Variants in USP32 observed in about 807,000 individuals in gnomAD.
USP32 encodes the protein ubiquitin specific peptidase 32.
Under a neutral mutation model 204.8 loss-of-function variants are expected in USP32, and 59 were observed. The ratio of observed to expected loss-of-function variants is 0.29; its 90% CI spans 0.23 to 0.36. The LOEUF (loss-of-function observed/expected upper bound fraction) is 0.36, where lower values mean the gene tolerates loss of function less well. Ranked by LOEUF, USP32 falls within the 10% of genes least tolerant of loss-of-function variation. The pLI, the probability that USP32 is intolerant of heterozygous loss-of-function variation, is 1.00. For synonymous variants in USP32, 517 were observed against 678.4 expected (o/e 0.76, Z 3.70); for missense variants, 1,160 against 1,946.4 (o/e 0.60, Z 7.60).
At chr17:60,183,505 A>C in intron 30 of USP32, 52 bp from the exon 31 acceptor site, 2 of 1,516,714 alleles carry the variant, frequency 1.3e-6, no homozygotes, top group Non-Finnish European at 1.8e-6. Context: ...TGAAGATACA[A>C]AATTTACATG....
intron 2 of USP32, among the ~76,000 whole-genome samples, chr17:60,341,960 C>T (rs535558681): frequency 5.8e-4 from 88 of 152,262 alleles, no homozygotes; most frequent in African/African-American, 1.8e-3. Flanking sequence ...CGAGGAGCTG[C>T]GATCCTTTGG....
chr17:60,213,289 C>T (rs544347822), intron 18 of USP32, among the ~76,000 whole-genome samples: 2 of 152,296 alleles, frequency 1.3e-5, no homozygotes, highest in Non-Finnish European at 2.9e-5. Context: ...TTTTAAGGAA[C>T]TATAAATGTG....
At chr17:60,184,220 C>G (rs1213644357) in intron 30 of USP32, among the ~76,000 whole-genome samples, 1 of 150,768 alleles carries the variant, frequency 6.6e-6, no homozygotes, top group Non-Finnish European at 1.5e-5. Context: ...GAGGCTGAGG[C>G]AGGAGAATGG....
At chr17:60,253,016 AG>A (rs1353040585) in intron 10 of USP32, among the ~76,000 whole-genome samples, 1 of 152,242 alleles carries the variant, frequency 6.6e-6, no homozygotes, top group African/African-American at 2.4e-5. Context: ...GGTGTTGAGT[AG>A]ATTATTGGAT....
rs577980575 is a variant in USP32 at position 60,414,433 on chromosome 17, T to G, written c.106+7813A>C. On this transcript the variant is annotated intron_variant, in intron 1 of 3. Transcript: ENST00000588898. The stretch of plus-strand genomic sequence containing the variant: ...CCTTGGTGATTGTTTTATTGATTTA[T>G]TTGTTTATTTTTTGAGACAGAGTCT... Among the ~76,000 whole-genome samples, 4 of 151,916 alleles carry G rather than the reference T, an allele frequency of 2.6e-5. No homozygotes were observed. The South Asian group carries it at 6.2e-4, about 24-fold the overall frequency.
chr17:60,250,962 T>G (rs2086150773), intron 11 of USP32, among the ~76,000 whole-genome samples: 1 of 151,654 alleles, frequency 6.6e-6, no homozygotes, highest in African/African-American at 2.4e-5. Flanking sequence ...TTTTTTTTTT[T>G]GAGAGAGTCT....
chr17:60,268,367 G>A (rs960268215), intron 7 of USP32, among the ~76,000 whole-genome samples: 9 of 151,002 alleles, frequency 6.0e-5, no homozygotes, highest in Admixed American at 4.0e-4. Flanking sequence ...CCAGAGGTTC[G>A]AGACTAGCCT....
intron 2 of USP32, among the ~76,000 whole-genome samples, chr17:60,325,203 C>T (rs1028042517): frequency 3.3e-5 from 5 of 152,126 alleles, no homozygotes; most frequent in African/African-American, 1.2e-4. Flanking sequence ...CACTTGAAGT[C>T]AGCAGTTCGA....
At chr17:60,187,067 G>A (rs1486503026) in intron 29 of USP32, among the ~76,000 whole-genome samples, 3 of 152,296 alleles carry the variant, frequency 2.0e-5, no homozygotes, top group African/African-American at 7.2e-5. Context: ...CTCCCTTCCA[G>A]AGGTGAACTT....
chr17:60,195,691 C>T (rs547294420), intron 27 of USP32, among the ~76,000 whole-genome samples: 20 of 152,288 alleles, frequency 1.3e-4, no homozygotes, highest in African/African-American at 4.6e-4. Flanking sequence ...TGTCGGAATG[C>T]GTATGAACTC....
At chr17:60,375,117 T>C (rs1434549481) in intron 1 of USP32, among the ~76,000 whole-genome samples, 1 of 152,224 alleles carries the variant, frequency 6.6e-6, no homozygotes, top group African/African-American at 2.4e-5. Flanking sequence ...AAATAAGTTT[T>C]ACAAAAGTGC....
At chr17:60,369,708 A>G (rs189055083) in intron 1 of USP32, among the ~76,000 whole-genome samples, 4 of 152,278 alleles carry the variant, frequency 2.6e-5, no homozygotes, top group Non-Finnish European at 5.9e-5. Flanking sequence ...AATTAGTGAA[A>G]TAGTTGATTA....
chr17:60,336,128 A>G (rs908992602), intron 2 of USP32, among the ~76,000 whole-genome samples: 2 of 142,926 alleles, frequency 1.4e-5, no homozygotes, highest in Non-Finnish European at 3.0e-5. Context: ...CTGGCATACC[A>G]CTTAGAACAT....
rs772700568 is a variant in USP32, at chr17:60,207,001, G to C, written c.3037+20C>G. The C allele has an allele frequency of 8.1e-6, 13 of 1,600,388 alleles. No individual in the cohort carries two copies. The highest frequency in any genetic ancestry group is 1.8e-5 in the Admixed American group (1 of 56,804). On this transcript the variant is annotated intron_variant, in intron 25 of 33. Coordinates refer to ENST00000300896, the MANE Select transcript of USP32 (RefSeq NM_032582.4). The stretch of plus-strand genomic sequence containing the variant: ...TATTTAAAGGAGCAATCATGAGAAG[G>C]AGTTCTAGTTCTATCTTACCTGTCT...
chr17:60,313,165 C>T (rs920287165), intron 2 of USP32, among the ~76,000 whole-genome samples: 1 of 146,830 alleles, frequency 6.8e-6, no homozygotes, highest in African/African-American at 2.7e-5. Context: ...TAAGGAGAAT[C>T]GCTTGAACCT....
intron 26 of USP32, among the ~76,000 whole-genome samples, chr17:60,201,019 G>C (rs1303405355): frequency 6.6e-6 from 1 of 152,044 alleles, no homozygotes; most frequent in East Asian, 1.9e-4. Flanking sequence ...GGCACACGCT[G>C]GCTAATTTCT....
chr17:60,305,520 T>C (rs555156812), intron 2 of USP32, among the ~76,000 whole-genome samples: 12 of 152,290 alleles, frequency 7.9e-5, no homozygotes, highest in East Asian at 1.9e-4. Context: ...AGGGGACAAA[T>C]ATCCAAACTA....
chr17:60,402,360 C>A (rs1405194568), intron 1 of USP32, among the ~76,000 whole-genome samples: 2 of 151,564 alleles, frequency 1.3e-5, no homozygotes, highest in Non-Finnish European at 2.9e-5. Flanking sequence ...AAGTGATTCT[C>A]CCACCTCAGC....
chr17:60,407,025 T>C (rs1164923631), intron 1 of USP32, among the ~76,000 whole-genome samples: 3 of 152,172 alleles, frequency 2.0e-5, no homozygotes, highest in Admixed American at 2.0e-4. Flanking sequence ...TGTTGGACAA[T>C]TGGCAGTGCA....
Sources: gnomAD v4.1 joint callset for allele counts (sites outside exome capture counted in the v4.1 genomes callset) on GRCh38, gnomAD v4.1.1 for gene constraint, MANE v1.5 for transcripts, NCBI Gene and HGNC (gene_info 2026-07-23, HGNC 2026-07-21) for gene names.